The following CDKN2B-AS1 variants were observed in gnomAD, a reference collection of about 807,000 sequenced individuals.
CDKN2B-AS1 encodes CDKN2B antisense RNA 1 (non-protein coding).
chr9:22,045,097 T>C (rs542632039), intron 1 of CDKN2B-AS1, among the ~76,000 whole-genome samples: 13 of 150,252 alleles, frequency 8.7e-5, no homozygotes, highest in Admixed American at 3.3e-4. Context: ...ATATGTGGTC[T>C]CCCTATGCAA....
At chr9:22,049,140 T>C (rs1823231891) in exon 3 of CDKN2B-AS1, 1 of 152,194 alleles carries the variant, frequency 6.6e-6, no homozygotes, top group Admixed American at 6.6e-5. Context: ...GCTGGAATCC[T>C]TTCCCGAGTC....
intron 1 of CDKN2B-AS1, among the ~76,000 whole-genome samples, chr9:22,017,382 C>G (rs976762430): frequency 1.3e-5 from 2 of 152,162 alleles, no homozygotes; most frequent in Non-Finnish European, 2.9e-5. Flanking sequence ...TTATCTACCT[C>G]TTTTTTAGGG....
At chr9:22,070,095 A>C (rs57840055) in intron 4 of CDKN2B-AS1, among the ~76,000 whole-genome samples, 5,929 of 152,292 alleles carry the variant, frequency 0.039, 372 homozygotes, top group African/African-American at 0.13. Context: ...AAGCAAGATC[A>C]GCTCAACTTT....
At chr9:22,062,638 G>A (rs980449171) in intron 4 of CDKN2B-AS1, among the ~76,000 whole-genome samples, 5 of 152,026 alleles carry the variant, frequency 3.3e-5, no homozygotes, top group Non-Finnish European at 7.4e-5. Flanking sequence ...AGATATCGTT[G>A]GCTCTAAAAT....
Position 21,997,273 on chromosome 9 carries a change from T to G in CDKN2B-AS1, n.29+2112T>G, listed in dbSNP as rs1005404517. Reference sequence around the variant, plus strand: ...TCTAAACATAGAAAAGGTAGTATGTTGTGCTACAACTTTAGGACAGCTATG... The same window carrying G: ...TCTAAACATAGAAAAGGTAGTATGTGGTGCTACAACTTTAGGACAGCTATG... On this transcript the variant is annotated intron_variant and non_coding_transcript_variant, in intron 1 of 4. Transcript: ENST00000650946. This position sits in a 1 kb window ranked among gnomAD's most constrained non-coding sequence, Gnocchi z 4.8. Among the ~76,000 whole-genome samples the G allele has an allele frequency of 1.3e-5, 2 of 152,206 alleles. No individual in the cohort carries two copies. The highest frequency in any genetic ancestry group is 4.8e-5 in the African/African-American group (2 of 41,442).
At chr9:22,079,793 G>T (rs79708861) in intron 4 of CDKN2B-AS1, among the ~76,000 whole-genome samples, 56 of 152,166 alleles carry the variant, frequency 3.7e-4, no homozygotes, top group African/African-American at 1.3e-3. Flanking sequence ...CTTCTCCACC[G>T]GCATAGCTTG....
intron 4 of CDKN2B-AS1, among the ~76,000 whole-genome samples, chr9:22,067,560 G>GCA (rs147195756): frequency 3.3e-5 from 5 of 151,024 alleles, no homozygotes; most frequent in Admixed American, 6.6e-5. Context: ...ACACACGCAC[G>GCA]CACACACACA....
intron 3 of CDKN2B-AS1, among the ~76,000 whole-genome samples, chr9:22,054,254 G>A (rs1587464178): frequency 6.6e-6 from 1 of 152,298 alleles, no homozygotes; most frequent in East Asian, 1.9e-4. Context: ...CCATATGATG[G>A]AGCTGGAATG....
chr9:22,027,299 T>C (rs951670659), intron 1 of CDKN2B-AS1, among the ~76,000 whole-genome samples: 2 of 152,188 alleles, frequency 1.3e-5, no homozygotes, highest in Non-Finnish European at 2.9e-5. Context: ...TTAAAAATTC[T>C]AGGTCCAGCT....
At position 22,093,825 on chromosome 9, in the gene CDKN2B-AS1, G is replaced by C. The variant is rs535748275; in HGVS notation, n.439-33278G>C. On this transcript the variant is annotated intron_variant and non_coding_transcript_variant, in intron 4 of 4. Transcript: ENST00000650946. ...AGCATTTAGCCCATTTACATTTAAG[G>C]TTAATATGTTATGTGTGAATTTGAT... Among the ~76,000 whole-genome samples the C allele has an allele frequency of 2.6e-3, 373 of 144,218 alleles. 20 individuals carry two copies. The highest frequency in any genetic ancestry group is 6.5e-3 in the Admixed American group (96 of 14,878). 94.6% of individuals were successfully genotyped at this position (144,218 alleles called of 152,430 possible).
chr9:22,068,393 A>C (rs1033476333), intron 4 of CDKN2B-AS1, among the ~76,000 whole-genome samples: 4 of 152,136 alleles, frequency 2.6e-5, no homozygotes, highest in Non-Finnish European at 4.4e-5. Context: ...GGGAAATATC[A>C]CTGGGGAATT....
At chr9:22,105,674 C>T (rs1396438386) in intron 4 of CDKN2B-AS1, among the ~76,000 whole-genome samples, 1 of 152,136 alleles carries the variant, frequency 6.6e-6, no homozygotes, top group Non-Finnish European at 1.5e-5. Flanking sequence ...TTATAAGAGC[C>T]TGTCCAGGTT....
chr9:22,027,230 A>G (rs772880958), intron 1 of CDKN2B-AS1, among the ~76,000 whole-genome samples: 3 of 151,946 alleles, frequency 2.0e-5, no homozygotes, highest in African/African-American at 7.2e-5. Flanking sequence ...TCTCTCTTTA[A>G]ATTTATTTAA....
intron 1 of CDKN2B-AS1, among the ~76,000 whole-genome samples, chr9:22,037,109 T>C (rs1436223488): frequency 6.6e-6 from 1 of 152,040 alleles, no homozygotes; most frequent in Non-Finnish European, 1.5e-5. Flanking sequence ...TATTCAAGGA[T>C]TCTACTCTGG....
intron 4 of CDKN2B-AS1, among the ~76,000 whole-genome samples, chr9:22,079,214 T>G (rs1449454217): frequency 6.6e-6 from 1 of 152,230 alleles, no homozygotes; most frequent in African/African-American, 2.4e-5. Flanking sequence ...CCGGGTGCAG[T>G]GGCTCACGCC....
chr9:22,017,164 C>T (rs561628291), intron 1 of CDKN2B-AS1, among the ~76,000 whole-genome samples: 29 of 152,266 alleles, frequency 1.9e-4, no homozygotes, highest in African/African-American at 5.5e-4. Flanking sequence ...CAGTGGCTCA[C>T]GCCTGTAATC....
At position 22,103,443 on chromosome 9, in the gene CDKN2B-AS1, G is replaced by C. The variant is rs534756853; in HGVS notation, n.439-23660G>C. Among the ~76,000 whole-genome samples, 13 of 152,104 alleles carry C rather than the reference G, an allele frequency of 8.5e-5. No homozygotes were observed. The South Asian group carries it at 2.5e-3, about 29-fold the overall frequency. Reference sequence around the variant, plus strand: ...TGGGGGTTGCCAGAGAGAAGTGCCTGGCATTCCTGCATGCTGACATCAAGC... The same window carrying C: ...TGGGGGTTGCCAGAGAGAAGTGCCTCGCATTCCTGCATGCTGACATCAAGC... On this transcript the variant is annotated intron_variant and non_coding_transcript_variant, in intron 4 of 4. Coordinates refer to ENST00000650946, the Ensembl canonical transcript of CDKN2B-AS1.
chr9:22,099,849 A>T (rs1259143094), intron 4 of CDKN2B-AS1, among the ~76,000 whole-genome samples: 1 of 152,178 alleles, frequency 6.6e-6, no homozygotes, highest in Non-Finnish European at 1.5e-5. Context: ...GTTAATGTGG[A>T]TGCATAAAGC....
chr9:22,082,401 C>T (rs914939957), intron 4 of CDKN2B-AS1, among the ~76,000 whole-genome samples: 5 of 152,188 alleles, frequency 3.3e-5, no homozygotes, highest in Non-Finnish European at 7.3e-5. Context: ...GTTATTTCCT[C>T]CTTTTGTTGA....
Sources: gnomAD v4.1 joint callset for allele counts (sites outside exome capture counted in the v4.1 genomes callset) on GRCh38, gnomAD v4.1.1 for gene constraint, Gnocchi (gnomAD v3.1) non-coding constraint, MANE v1.5 for transcripts, NCBI Gene and HGNC (gene_info 2026-07-23, HGNC 2026-07-21) for gene names.